Variants in FILIP1 observed in about 807,000 individuals in gnomAD.
FILIP1 encodes the protein filamin-A-interacting protein 1.
A neutral mutation model predicts 102.1 loss-of-function variants in FILIP1; 61 were observed. The ratio of observed to expected loss-of-function variants is 0.60; its 90% CI spans 0.49 to 0.74. The LOEUF (loss-of-function observed/expected upper bound fraction) is 0.74. FILIP1 is among the 30% of genes least tolerant of loss of function. FILIP1 has a pLI of 0.00. For missense variants in FILIP1, 1,314 were observed against 1,441.2 expected (o/e 0.91, Z 1.43); for synonymous variants, 491 against 526.9 (o/e 0.93, Z 0.93).
Position 75,354,680 on chromosome 6 carries a change from G to C in FILIP1, c.451-963C>G, listed in dbSNP as rs112608254. The stretch of plus-strand genomic sequence containing the variant: ...ATAAAGTTCAAACACTTTTTCATTT[G>C]TTTATTGGTCATTTGGGTTCCTAAA... On this transcript the variant is annotated intron_variant, in intron 3 of 5. Transcript: ENST00000237172. Among the ~76,000 whole-genome samples the C allele has an allele frequency of 9.4e-4, 141 of 150,368 alleles. 1 individual carries two copies. Among genetic ancestry groups the C allele is most frequent in the African/African-American group, 3.3e-3 (135 of 40,880 alleles).
intron 4 of FILIP1, among the ~76,000 whole-genome samples, chr6:75,341,814 T>C (rs56693240): frequency 0.011 from 1,691 of 152,228 alleles, 38 homozygotes; most frequent in African/African-American, 0.039. Context: ...AATAGAAGAG[T>C]TTACTTTTCC....
chr6:75,355,021 G>T (rs1226354554), intron 3 of FILIP1, among the ~76,000 whole-genome samples: 1 of 152,128 alleles, frequency 6.6e-6, no homozygotes, highest in African/African-American at 2.4e-5. Flanking sequence ...GAGGCCGGGC[G>T]CAAAGGCTCA....
intron 4 of FILIP1, among the ~76,000 whole-genome samples, chr6:75,352,937 C>A (rs1336107726): frequency 1.3e-5 from 2 of 149,884 alleles, no homozygotes; most frequent in African/African-American, 2.5e-5. Flanking sequence ...AGTCTTTCTA[C>A]AAATTGCTTT....
intron 1 of FILIP1, among the ~76,000 whole-genome samples, chr6:75,449,444 C>A (rs1477947482): frequency 1.3e-5 from 2 of 151,966 alleles, no homozygotes; most frequent in African/African-American, 2.4e-5. Context: ...TTCATGTAAG[C>A]AAATACCACC....
In FILIP1 at chr6:75,362,823, A is replaced by G; in HGVS notation, c.371T>C (p.Leu124Pro). The G allele has an allele frequency of 6.2e-7, 1 of 1,613,746 alleles. No individual in the cohort carries two copies. The highest frequency in any genetic ancestry group is 1.1e-5 in the South Asian group (1 of 91,030). Residue 124 changes from leucine to proline, a missense_variant, in exon 3 of 6, where the codon CTG becomes CCG. Coordinates refer to ENST00000237172, the MANE Select transcript of FILIP1 (RefSeq NM_015687.5). ...AATGGCATCTCGGTGCAGGACCCGC[A>G]GCACTTTCTCTGGCTCCGCAGACCC... ...HYGSAEPEKV[L>P]RVLHRDAILA...
chr6:75,444,621 T>C (rs1778387439), intron 1 of FILIP1, among the ~76,000 whole-genome samples: 1 of 152,196 alleles, frequency 6.6e-6, no homozygotes, highest in Non-Finnish European at 1.5e-5. Context: ...AGTCAGTCTA[T>C]CACTTGACAC....
rs1482261387 is a variant in FILIP1 at position 75,313,633 on chromosome 6, T to C, written c.2199A>G (p.Glu733=). 1.3e-6 allele frequency: 2 copies of C among 1,597,500 alleles called. No individual in the cohort carries two copies. Among genetic ancestry groups the C allele is most frequent in the Non-Finnish European group, 1.7e-6 (2 of 1,174,976 alleles). ...EVQALKEKIH[E]LMNKEDQLSQ... ...AAAGCTGATCTTCTTTGTTCATTAA[T>C]TCGTGAATCTTCTCTTTAAGAGCTT... The change falls in exon 5 of 6, where the codon GAA becomes GAG. Residue 733 remains glutamate, a synonymous_variant. Transcript: ENST00000237172. The surrounding 1 kb of genome is among the most constrained non-coding windows in gnomAD (Gnocchi z 4.2).
chr6:75,365,784 A>C (rs1286769208), intron 2 of FILIP1, among the ~76,000 whole-genome samples: 1 of 152,194 alleles, frequency 6.6e-6, no homozygotes, highest in Non-Finnish European at 1.5e-5. Flanking sequence ...AAGAGAAACA[A>C]AGTAGTACCT....
Position 75,353,635 on chromosome 6 carries a change from C to A in FILIP1, c.533G>T (p.Arg178Leu), listed in dbSNP as rs757436412. 1.2e-6 allele frequency: 2 copies of A among 1,614,026 alleles called. No homozygotes were observed. The highest frequency in any genetic ancestry group is 1.3e-5 in the African/African-American group (1 of 74,928). Residue 178 changes from arginine (R) to leucine (L), a missense_variant, in exon 4 of 6, where the codon CGC becomes CTC. By Grantham distance (102) the Arg-to-Leu change is moderately radical. Coordinates refer to ENST00000237172, the MANE Select transcript of FILIP1 (RefSeq NM_015687.5). ...CTCGTTCTCTAACTCGTATACGGTG[C>A]GCCTATGACACTTCTCGGCCAGCAA... ...QLLLAEKCHR[R>L]TVYELENEKH...
intron 2 of FILIP1, among the ~76,000 whole-genome samples, chr6:75,366,745 T>A (rs1309034734): frequency 2.0e-5 from 3 of 152,240 alleles, no homozygotes; most frequent in Non-Finnish European, 4.4e-5. Flanking sequence ...TTTTATAAGA[T>A]ATATTTTTCC....
At chr6:75,469,840 C>T (rs1016125619) in intron 1 of FILIP1, among the ~76,000 whole-genome samples, 8 of 151,912 alleles carry the variant, frequency 5.3e-5, no homozygotes, top group African/African-American at 1.9e-4. Flanking sequence ...AACAGGTGCC[C>T]AAAGACAATT....
intron 1 of FILIP1, among the ~76,000 whole-genome samples, chr6:75,486,860 T>C (rs1179178402): frequency 6.6e-6 from 1 of 152,088 alleles, no homozygotes; most frequent in Non-Finnish European, 1.5e-5. Flanking sequence ...GCATATGTTG[T>C]ATATTATATA....
chr6:75,478,418 C>G (rs1779551134), intron 1 of FILIP1, among the ~76,000 whole-genome samples: 3 of 152,186 alleles, frequency 2.0e-5, no homozygotes, highest in African/African-American at 7.2e-5. Context: ...CACTGGACAC[C>G]TCATAGGACA....
chr6:75,310,698 A>G (rs887551089), intron 5 of FILIP1, among the ~76,000 whole-genome samples: 2 of 152,254 alleles, frequency 1.3e-5, no homozygotes, highest in Admixed American at 6.5e-5. Flanking sequence ...ACAATGATTT[A>G]TACCTCCAAT....
chr6:75,485,988 C>T (rs905366798), intron 1 of FILIP1, among the ~76,000 whole-genome samples: 3 of 140,326 alleles, frequency 2.1e-5, no homozygotes, highest in African/African-American at 9.0e-5. Flanking sequence ...CACACACACA[C>T]ACACACACAT....
At chr6:75,446,286 A>G (rs1305593291) in intron 1 of FILIP1, among the ~76,000 whole-genome samples, 1 of 152,182 alleles carries the variant, frequency 6.6e-6, no homozygotes, top group Non-Finnish European at 1.5e-5. Flanking sequence ...TTGCAGCTGC[A>G]ATCATTATAA....
intron 1 of FILIP1, among the ~76,000 whole-genome samples, chr6:75,418,513 T>C (rs1385663434): frequency 2.6e-5 from 4 of 152,130 alleles, no homozygotes; most frequent in African/African-American, 4.8e-5. Flanking sequence ...AGCTGAACAA[T>C]AGTAAACACT....
chr6:75,403,421 A>T (rs900694225), intron 2 of FILIP1, among the ~76,000 whole-genome samples: 1 of 151,352 alleles, frequency 6.6e-6, no homozygotes, highest in African/African-American at 2.4e-5. Context: ...GGGCTGAGGC[A>T]AGAGGATCCC....
At chr6:75,320,279 G>A (rs1026068195) in intron 4 of FILIP1, among the ~76,000 whole-genome samples, 41 of 152,202 alleles carry the variant, frequency 2.7e-4, no homozygotes, top group African/African-American at 9.4e-4. Context: ...TCTGTAGGCT[G>A]GGAGCGGTGG....
Sources: allele counts gnomAD v4.1 joint callset (sites outside exome capture counted in the v4.1 genomes callset), GRCh38; gene constraint gnomAD v4.1.1; non-coding constraint Gnocchi (gnomAD v3.1); transcripts MANE v1.5; gene names NCBI Gene and HGNC (gene_info 2026-07-23, HGNC 2026-07-21).